LRRIQ1: variants seen among roughly 807,000 people sequenced by gnomAD.
LRRIQ1 encodes the protein leucine-rich repeat- and IQ domain-containing protein 1.
In LRRIQ1, 210 loss-of-function variants were observed where a neutral mutation model predicts 211.9. The ratio of observed to expected loss-of-function variants is 0.99; its 90% CI spans 0.89 to 1.11. The LOEUF (loss-of-function observed/expected upper bound fraction) is 1.11. LRRIQ1 is among the 50% of genes most tolerant of loss of function. The pLI, the probability that LRRIQ1 is intolerant of heterozygous loss-of-function variation, is 0.00. For synonymous variants in LRRIQ1, 699 were observed against 650.1 expected, an observed-to-expected ratio of 1.08 and a Z score of -1.14; for missense variants, 2,136 against 1,939.5, an observed-to-expected ratio of 1.10 and a Z score of -1.90.
intron 24 of LRRIQ1, among the ~76,000 whole-genome samples, chr12:85,192,323 C>G (rs944351543): frequency 6.8e-6 from 1 of 146,492 alleles, no homozygotes; most frequent in African/African-American, 2.5e-5. Flanking sequence ...CATGTCACTG[C>G]AAAGGACATG....
At chr12:85,158,990 T>C (rs1246857294) in intron 23 of LRRIQ1, among the ~76,000 whole-genome samples, 7 of 151,978 alleles carry the variant, frequency 4.6e-5, no homozygotes, top group Non-Finnish European at 1.0e-4. Context: ...TATCTAAAAG[T>C]ACTATGTTTC....
intron 13 of LRRIQ1, among the ~76,000 whole-genome samples, chr12:85,102,898 A>G (rs868287796): frequency 6.8e-6 from 1 of 146,662 alleles, no homozygotes; most frequent in South Asian, 2.2e-4. Context: ...TTGAACAGCT[A>G]TGGAATTATA....
intron 18 of LRRIQ1, among the ~76,000 whole-genome samples, chr12:85,133,300 A>G (rs773381902): frequency 6.6e-6 from 1 of 152,176 alleles, no homozygotes; most frequent in East Asian, 1.9e-4. Context: ...GGTAAAAAGA[A>G]AGTTGTATCA....
intron 15 of LRRIQ1, among the ~76,000 whole-genome samples, chr12:85,110,390 CTAA>C (rs1887089132): frequency 3.3e-5 from 5 of 152,102 alleles, no homozygotes; most frequent in African/African-American, 1.2e-4. Context: ...TACAATATGC[CTAA>C]TAATTATGTA....
chr12:85,106,578 C>G lies in LRRIQ1; in HGVS notation c.3340C>G (p.Leu1114Val). 1 of 1,612,806 alleles carries G rather than the reference C, an allele frequency of 6.2e-7. No individual in the cohort carries two copies. Among genetic ancestry groups the G allele is most frequent in the African/African-American group, 1.3e-5 (1 of 74,984 alleles). Residue 1114 changes from leucine (L) to valine (V), a missense_variant, in exon 15 of 27, where the codon CTT becomes GTT. Coordinates refer to ENST00000393217, the MANE Select transcript of LRRIQ1 (RefSeq NM_001079910.2). ...ATGCTATTCTCTCCATGAATTGTCTCTTACTGGAAACCCACTTCTTCAAGA... is the reference window on the plus strand; with the variant it reads ...ATGCTATTCTCTCCATGAATTGTCTGTTACTGGAAACCCACTTCTTCAAGA... Reference protein sequence around the residue: ...DACYSLHELSLTGNPLLQETN... With the variant: ...DACYSLHELSVTGNPLLQETN...
intron 11 of LRRIQ1, among the ~76,000 whole-genome samples, chr12:85,082,940 C>T (rs189026672): frequency 3.9e-5 from 6 of 152,238 alleles, no homozygotes; most frequent in East Asian, 3.9e-4. Flanking sequence ...ATTTATGGTA[C>T]GTTTCTAGTG....
intron 24 of LRRIQ1, among the ~76,000 whole-genome samples, chr12:85,176,384 CAT>C (rs1340887167): frequency 2.0e-5 from 3 of 151,604 alleles, no homozygotes; most frequent in Non-Finnish European, 4.4e-5. Flanking sequence ...TGAAGTGGCG[CAT>C]ATACACCATG....
intron 23 of LRRIQ1, among the ~76,000 whole-genome samples, chr12:85,159,916 A>G (rs1439909550): frequency 6.6e-6 from 1 of 152,028 alleles, no homozygotes; most frequent in Non-Finnish European, 1.5e-5. Flanking sequence ...GTACCTAAAC[A>G]TTGTCCAACA....
Position 85,056,423 on chromosome 12 carries a change from G to A in LRRIQ1, c.1630G>A (p.Val544Ile), listed in dbSNP as rs987249110. 1 of 1,592,712 alleles carries A rather than the reference G, an allele frequency of 6.3e-7. No homozygotes were observed. The highest frequency in any genetic ancestry group is 8.5e-7 in the Non-Finnish European group (1 of 1,174,532). Residue 544 changes from valine (V) to isoleucine (I), a missense_variant, in exon 8 of 27, where the codon GTC becomes ATC. Transcript: ENST00000393217. ...AQKEEKIMKH[V>I]INENTGQKTQ... ...AAAAGAAGAAAAAATCATGAAACATGTCATAAATGAGAATACAGGACAAAA... is the reference window on the plus strand; with the variant it reads ...AAAAGAAGAAAAAATCATGAAACATATCATAAATGAGAATACAGGACAAAA...
rs763950002 is a variant in LRRIQ1 at position 85,056,129 on chromosome 12, A to G, written c.1336A>G (p.Asn446Asp). 1 of 1,598,952 alleles carries G rather than the reference A, an allele frequency of 6.3e-7. No individual in the cohort carries two copies. The highest frequency in any genetic ancestry group is 2.2e-5 in the East Asian group (1 of 44,520). The change falls in exon 8 of 27, where the codon AAT becomes GAT. Residue 446 changes from asparagine (N) to aspartate (D), a missense_variant. Physicochemically the swap from Asn to Asp is conservative, Grantham distance 23. Transcript: ENST00000393217. Reference protein sequence around the residue: ...DVLLWLVEESNMKENVDRQTI... With the variant: ...DVLLWLVEESDMKENVDRQTI... ...TCTCCTTTGGCTAGTTGAGGAATCAAATATGAAAGAAAATGTAGATAGACA... is the reference window on the plus strand; with the variant it reads ...TCTCCTTTGGCTAGTTGAGGAATCAGATATGAAAGAAAATGTAGATAGACA...
intron 24 of LRRIQ1, among the ~76,000 whole-genome samples, chr12:85,169,177 T>C (rs566072629): frequency 5.3e-5 from 8 of 152,280 alleles, no homozygotes; most frequent in South Asian, 2.1e-4. Context: ...TTGGAAAAGA[T>C]AGTATCAGTA....
the LRRIQ1 span, among the ~76,000 whole-genome samples, chr12:85,270,017 A>G: frequency 1.3e-5 from 2 of 151,834 alleles, no homozygotes; most frequent in Non-Finnish European, 2.9e-5. Flanking sequence ...ATCCCCTTTC[A>G]AGGTGATTAA....
intron 26 of LRRIQ1, among the ~76,000 whole-genome samples, chr12:85,243,402 T>G (rs1170856169): frequency 6.7e-6 from 1 of 148,708 alleles, no homozygotes; most frequent in Non-Finnish European, 1.5e-5. Context: ...AAGTATAAAT[T>G]GGAAACGATT....
chr12:85,246,128 A>G (rs1333556397), downstream of LRRIQ1, among the ~76,000 whole-genome samples: 2 of 151,190 alleles, frequency 1.3e-5, no homozygotes, highest in South Asian at 2.1e-4. Flanking sequence ...AATACATCTA[A>G]TTTTGAAATA....
intron 19 of LRRIQ1, among the ~76,000 whole-genome samples, chr12:85,139,794 A>G (rs1037494094): frequency 6.6e-6 from 1 of 151,370 alleles, no homozygotes; most frequent in African/African-American, 2.4e-5. Context: ...ACATTAATCT[A>G]TTAGGTTAGG....
chr12:85,118,997 T>C (rs1367913696), intron 15 of LRRIQ1, among the ~76,000 whole-genome samples: 2 of 152,172 alleles, frequency 1.3e-5, no homozygotes, highest in Non-Finnish European at 2.9e-5. Context: ...TTTGTCACCA[T>C]CAATGAGTCT....
intron 13 of LRRIQ1, among the ~76,000 whole-genome samples, chr12:85,102,133 TTA>T (rs900796426): frequency 7.3e-5 from 11 of 151,412 alleles, no homozygotes; most frequent in Non-Finnish European, 1.5e-4. Context: ...TGAATTATAT[TTA>T]TATATATATT....
chr12:85,173,060 G>A (rs927574945), intron 24 of LRRIQ1, among the ~76,000 whole-genome samples: 2 of 152,228 alleles, frequency 1.3e-5, no homozygotes, highest in Non-Finnish European at 2.9e-5. Flanking sequence ...AGTGAGCCGA[G>A]TTCATGCCAT....
At chr12:85,113,907 T>TTG (rs71076112) in intron 15 of LRRIQ1, among the ~76,000 whole-genome samples, 5,555 of 140,862 alleles carry the variant, frequency 0.039, 126 homozygotes, top group East Asian at 0.071. Context: ...CAAATGAGTT[T>TTG]TGTGTGTGTG....
Sources: gnomAD v4.1 joint callset for allele counts (sites outside exome capture counted in the v4.1 genomes callset) on GRCh38, gnomAD v4.1.1 for gene constraint, MANE v1.5 for transcripts, NCBI Gene and HGNC (gene_info 2026-07-23, HGNC 2026-07-21) for gene names.